ANGPTL5: variants seen among roughly 807,000 people sequenced by gnomAD.
ANGPTL5 encodes angiopoietin like 5.
In ANGPTL5, 34 loss-of-function variants were observed where a neutral mutation model predicts 39.4. That is an observed-to-expected ratio of 0.86 (90% CI 0.66 to 1.15). The LOEUF is 1.15. ANGPTL5 is among the 50% of genes most tolerant of loss of function. ANGPTL5 has a pLI of 0.00. For missense variants in ANGPTL5, 467 were observed against 457.5 expected (o/e 1.02, Z -0.19); for synonymous variants, 146 against 152.1 (o/e 0.96, Z 0.29).
chr11:101,900,406 G>A (rs1939871823), intron 7 of ANGPTL5, 24 bp downstream of exon 7: 1 of 1,606,196 alleles, frequency 6.2e-7, no homozygotes, highest in African/African-American at 1.3e-5. Flanking sequence ...AAACAATGTA[G>A]AGTAGAAATA....
At chr11:101,899,301 T>C (rs1939853111) in intron 7 of ANGPTL5, among the ~76,000 whole-genome samples, 1 of 152,230 alleles carries the variant, frequency 6.6e-6, no homozygotes, top group Non-Finnish European at 1.5e-5. Flanking sequence ...GGTTTCAACA[T>C]GTTGGCCAGC....
At chr11:101,913,777 C>T (rs117383767) in intron 1 of ANGPTL5, among the ~76,000 whole-genome samples, 1 of 152,272 alleles carries the variant, frequency 6.6e-6, no homozygotes, top group East Asian at 1.9e-4. Context: ...GTACTTTGCA[C>T]TGCCCTACTT....
At chr11:101,894,089 A>C (rs1342953334) in intron 8 of ANGPTL5, among the ~76,000 whole-genome samples, 1 of 152,202 alleles carries the variant, frequency 6.6e-6, no homozygotes, top group Admixed American at 6.5e-5. Flanking sequence ...TTTGGGTGCA[A>C]TCAACTGAAA....
chr11:101,896,046 T>A (rs1426712833), intron 7 of ANGPTL5, among the ~76,000 whole-genome samples: 2 of 151,960 alleles, frequency 1.3e-5, no homozygotes, highest in African/African-American at 2.4e-5. Flanking sequence ...TCCAGAGGGG[T>A]CCACTGAGTC....
chr11:101,909,667 C>A (rs1190410689), intron 1 of ANGPTL5, among the ~76,000 whole-genome samples: 1 of 151,164 alleles, frequency 6.6e-6, no homozygotes, highest in African/African-American at 2.4e-5. Flanking sequence ...CTTATTTGAG[C>A]AAGAAAATAC....
chr11:101,891,340 G>A lies in ANGPTL5; in HGVS notation c.1106C>T (p.Pro369Leu), dbSNP rs759723871. ...CATTGAAACAGATTTAATCTTGACA[G>A]GTGAGTTGTTTTTGGTCCACGTGCC... Reference protein sequence around the residue: ...QWGTWTKNNSPVKIKSVSMKI... With the variant: ...QWGTWTKNNSLVKIKSVSMKI... The change falls in exon 9 of 9, where the codon CCT becomes CTT. Residue 369 changes from proline (P) to leucine (L), a missense_variant. Physicochemically the swap from Pro to Leu is moderately conservative, Grantham distance 98. Transcript: ENST00000334289. The A allele has an allele frequency of 5.0e-6, 8 of 1,614,022 alleles. No individual in the cohort carries two copies. In the South Asian group the frequency reaches 8.8e-5, roughly 18 times the overall value.
chr11:101,905,819 G>C lies in ANGPTL5; in HGVS notation c.270C>G (p.Tyr90Ter). Residue 90 changes from tyrosine (Y) to a stop codon, truncating the protein, a stop_gained, in exon 4 of 9, where the codon TAC (tyrosine) becomes TAG (stop). Coordinates refer to ENST00000334289, the MANE Select transcript of ANGPTL5 (RefSeq NM_178127.5). LOFTEE classifies it high-confidence loss of function. Reference sequence around the variant, plus strand: ...TTAGTAGTTTTTTGGTACTTCTTGTGTAGGAAACAATAGAATTTTGCAAAT... The same window carrying C: ...TTAGTAGTTTTTTGGTACTTCTTGTCTAGGAAACAATAGAATTTTGCAAAT... ...CRNLQNSIVS[Y>*]TRSTKKLLRN... 1.2e-6 allele frequency: 2 copies of C among 1,611,032 alleles called. No homozygotes were observed. Among genetic ancestry groups the C allele is most frequent in the Non-Finnish European group, 1.7e-6 (2 of 1,178,356 alleles).
At chr11:101,907,667 AAGCAATTTTC>A in intron 2 of ANGPTL5, 137 bp downstream of exon 2, 1 of 618,646 alleles carries the variant, frequency 1.6e-6, no homozygotes, top group Non-Finnish European at 2.8e-6. Context: ...AGTAATATTA[AAGCAATTTTC>A]AACATTTCTA....
intron 6 of ANGPTL5, 34 bp downstream of exon 6, chr11:101,902,587 C>CATA: frequency 7.0e-7 from 1 of 1,426,962 alleles, no homozygotes; most frequent in Non-Finnish European, 9.9e-7. Context: ...TCTTAGCCCA[C>CATA]ATAATACGGG....
At chr11:101,910,410 CAAAA>C (rs200542892) in intron 1 of ANGPTL5, among the ~76,000 whole-genome samples, 2,540 of 120,896 alleles carry the variant, frequency 0.021, 40 homozygotes, top group Middle Eastern at 0.048. Flanking sequence ...AACTCCGTCT[CAAAA>C]AAAAAAAAAA....
Position 101,899,786 on chromosome 11 carries a change from A to T in ANGPTL5, c.661+644T>A, listed in dbSNP as rs1939861740. On this transcript the variant is annotated intron_variant, in intron 7 of 8. Coordinates refer to ENST00000334289, the MANE Select transcript of ANGPTL5 (RefSeq NM_178127.5). ...AAGATTTACAATTATAAAAACAGTAACTGTTAAAATAGCATAAAAATTAGT... is the reference window on the plus strand; with the variant it reads ...AAGATTTACAATTATAAAAACAGTATCTGTTAAAATAGCATAAAAATTAGT... Among the ~76,000 whole-genome samples, 3 of 152,202 alleles carry T rather than the reference A, an allele frequency of 2.0e-5. No individual in the cohort carries two copies. In the South Asian group the frequency reaches 6.2e-4, roughly 32 times the overall value.
chr11:101,912,116 G>A (rs1207548486), intron 1 of ANGPTL5, among the ~76,000 whole-genome samples: 2 of 152,158 alleles, frequency 1.3e-5, no homozygotes, highest in African/African-American at 2.4e-5. Flanking sequence ...TAAGCTTCAC[G>A]AACATAAGGA....
intron 1 of ANGPTL5, 104 bp downstream of exon 1, chr11:101,915,915 T>A (rs1286624288): frequency 6.6e-6 from 1 of 152,366 alleles, no homozygotes; most frequent in East Asian, 1.9e-4. Flanking sequence ...CTCTGCCCAG[T>A]CTGTTGTCAG....
intron 1 of ANGPTL5, 51 bp from the exon 2 acceptor site, chr11:101,908,052 C>T: frequency 1.6e-6 from 1 of 633,170 alleles, no homozygotes; most frequent in South Asian, 1.8e-5. Flanking sequence ...GTTTCCATGC[C>T]CTGGTTTGAA....
chr11:101,913,015 T>C (rs1460370429), intron 1 of ANGPTL5, among the ~76,000 whole-genome samples: 2 of 152,242 alleles, frequency 1.3e-5, no homozygotes, highest in South Asian at 2.1e-4. Context: ...TGTTTTTCTC[T>C]AGCAGCTAAA....
At chr11:101,902,329 G>C (rs1370549222) in intron 6 of ANGPTL5, among the ~76,000 whole-genome samples, 2 of 152,112 alleles carry the variant, frequency 1.3e-5, no homozygotes, top group Admixed American at 6.6e-5. Context: ...AGTTCTGCCT[G>C]TTACGAGGAT....
At chr11:101,915,142 C>A in intron 1 of ANGPTL5, 3 of 1,257,482 alleles carry the variant, frequency 2.4e-6, no homozygotes, top group Non-Finnish European at 3.3e-6. Context: ...GGAGCTAGGG[C>A]TGTCGAGGCC....
Position 101,891,428 on chromosome 11 carries a change from G to C in ANGPTL5, c.1018C>G (p.Leu340Val). 6.2e-7 allele frequency: 1 copy of C among 1,614,018 alleles called. No individual in the cohort carries two copies. The highest frequency in any genetic ancestry group is 8.5e-7 in the Non-Finnish European group (1 of 1,179,994). The stretch of plus-strand genomic sequence containing the variant: ...TGATGAATGCCATTTAGATTTGCTA[G>C]ACCACACTCGTTAAACCACCAGCCG... ...KTGWWFNECGLANLNGIHHFS... is the reference protein window; with the variant it reads ...KTGWWFNECGVANLNGIHHFS... Residue 340 changes from leucine to valine, a missense_variant, in exon 9 of 9, where the codon CTA becomes GTA. Physicochemically the swap from Leu to Val is conservative, Grantham distance 32. Transcript: ENST00000334289.
Position 101,907,843 on chromosome 11 carries a change from C to G in ANGPTL5, c.67G>C (p.Val23Leu), listed in dbSNP as rs769335412. ...NVCIFICGEA[V>L]QGNCVHHSTD... ...GAATGATGTACACAGTTACCTTGTA[C>G]AGCTTCTCCACAAATAAAAATACAT... The change falls in exon 2 of 9, where the codon GTA (valine) becomes CTA (leucine). Residue 23 changes from valine (V) to leucine (L), a missense_variant. Coordinates refer to ENST00000334289, the MANE Select transcript of ANGPTL5 (RefSeq NM_178127.5). 2.5e-6 allele frequency: 4 copies of G among 1,609,020 alleles called. No individual in the cohort carries two copies. In the South Asian group the frequency reaches 3.3e-5, roughly 13 times the overall value.
Sources: gnomAD v4.1 joint callset for allele counts (sites outside exome capture counted in the v4.1 genomes callset) on GRCh38, gnomAD v4.1.1 for gene constraint, MANE v1.5 for transcripts, NCBI Gene and HGNC (gene_info 2026-07-23, HGNC 2026-07-21) for gene names.